The following STYXL1 variants were observed in gnomAD, a reference collection of about 807,000 sequenced individuals.
STYXL1 encodes serine/threonine/tyrosine interacting like 1.
STYXL1 carries 32 observed loss-of-function variants against 36.4 expected under a neutral mutation model. That is an observed-to-expected ratio of 0.88 (90% CI 0.66 to 1.18). The LOEUF (loss-of-function observed/expected upper bound fraction) is 1.18, where lower values mean the gene tolerates loss of function less well. Among genes scored for constraint, STYXL1 ranks in the 50% most tolerant of loss-of-function variants. STYXL1 has a pLI of 0.00. For missense variants in STYXL1, 354 were observed against 394.1 expected, an observed-to-expected ratio of 0.90 and a Z score of 0.86; for synonymous variants, 133 against 144.1, an observed-to-expected ratio of 0.92 and a Z score of 0.55.
chr7:75,997,725 C>T (rs1245480256), intron 8 of STYXL1, among the ~76,000 whole-genome samples: 1 of 152,150 alleles, frequency 6.6e-6, no homozygotes, highest in African/African-American at 2.4e-5. Context: ...AGATTACACA[C>T]ACACACAACA....
chr7:76,003,965 T>A, intron 6 of STYXL1, 110 bp from the exon 7 acceptor site: 1 of 920,200 alleles, frequency 1.1e-6, no homozygotes, highest in Non-Finnish European at 1.7e-6. Context: ...TGAGCTTGTG[T>A]AAGGGGGAAT....
At chr7:75,998,082 GA>G (rs1554564674) in intron 8 of STYXL1, among the ~76,000 whole-genome samples, 13 of 152,076 alleles carry the variant, frequency 8.5e-5, no homozygotes, top group Non-Finnish European at 8.8e-5. Context: ...TGTAGAAATA[GA>G]AAAATCCATC....
chr7:76,005,883 G>T (rs1791664867), intron 5 of STYXL1, among the ~76,000 whole-genome samples: 1 of 112,306 alleles, frequency 8.9e-6, no homozygotes, highest in Non-Finnish European at 2.0e-5. Flanking sequence ...GAGGAGGAGA[G>T]AGGAGGAGGA....
chr7:76,018,641 T>C (rs1422620474), intron 4 of STYXL1, among the ~76,000 whole-genome samples: 1 of 152,228 alleles, frequency 6.6e-6, no homozygotes, highest in Non-Finnish European at 1.5e-5. Flanking sequence ...TCCTCCCGCC[T>C]TGGCCTTCCA....
At chr7:76,016,452 CATATATACAT>C (rs1424890202) in intron 4 of STYXL1, among the ~76,000 whole-genome samples, 6 of 149,934 alleles carry the variant, frequency 4.0e-5, no homozygotes, top group East Asian at 1.9e-4. Flanking sequence ...CATATATACA[CATATATACAT>C]ATATACGCAT....
intron 8 of STYXL1, among the ~76,000 whole-genome samples, chr7:75,999,401 A>G (rs1028495968): frequency 6.6e-6 from 1 of 152,132 alleles, no homozygotes; most frequent in Non-Finnish European, 1.5e-5. Flanking sequence ...CAAGATGGAA[A>G]AGTTTGGGAG....
In STYXL1 at chr7:76,001,203, G is replaced by T. The variant is rs572182305; in HGVS notation, c.698-201C>A. On this transcript the variant is annotated intron_variant, in intron 7 of 8. Coordinates refer to ENST00000359697, the MANE Select transcript of STYXL1 (RefSeq NM_001317785.2). ...GGGCATCCCTCAGACCTGGCTGGAA[G>T]TTCCAGAGAATCATGCCTGGGCAAC... 3.7e-4 allele frequency among the ~76,000 whole-genome samples: 57 copies of T among 152,324 alleles called. 2 individuals are homozygous for T. In the South Asian group the frequency reaches 0.011, roughly 29 times the overall value.
intron 1 of STYXL1, among the ~76,000 whole-genome samples, chr7:76,047,264 T>A (rs922089458): frequency 1.3e-5 from 2 of 152,020 alleles, no homozygotes; most frequent in Admixed American, 1.3e-4. Flanking sequence ...CTCAAAAAAA[T>A]AAATAAATTC....
intron 1 of STYXL1, among the ~76,000 whole-genome samples, chr7:76,031,946 G>A (rs1795377330): frequency 6.6e-6 from 1 of 152,168 alleles, no homozygotes; most frequent in Non-Finnish European, 1.5e-5. Flanking sequence ...GACACTTGCA[G>A]AAAGAATTGC....
At chr7:76,000,517 C>G in intron 8 of STYXL1, 1 of 462,742 alleles carries the variant, frequency 2.2e-6, no homozygotes, top group South Asian at 1.5e-5. Context: ...TTCTCTGGAC[C>G]CTGCGCCCAA....
chr7:76,027,741 T>C (rs1449387128), intron 3 of STYXL1, among the ~76,000 whole-genome samples: 10 of 151,970 alleles, frequency 6.6e-5, no homozygotes, highest in African/African-American at 2.2e-4. Flanking sequence ...GCAGGGACAA[T>C]GAACTCAGGC....
chr7:76,000,403 C>A (rs997431256), intron 8 of STYXL1: 2 of 456,700 alleles, frequency 4.4e-6, no homozygotes, highest in South Asian at 1.5e-5. Flanking sequence ...CTGGGGATCA[C>A]GAACAGGCTG....
At chr7:75,996,775 G>C (rs1790184469) in intron 8 of STYXL1, among the ~76,000 whole-genome samples, 176 bp from the exon 9 acceptor site, 1 of 152,208 alleles carries the variant, frequency 6.6e-6, no homozygotes, top group South Asian at 2.1e-4. Context: ...GGAGTCATGG[G>C]AGCTGACTCT....
chr7:76,030,620 T>C lies in STYXL1; in HGVS notation c.-4-93A>G, dbSNP rs1795223385. ...TAATGAATTAAACTCTTTTTTAACATACCTTCAAGCAAAGATGACAGTAAT... is the reference window on the plus strand; with the variant it reads ...TAATGAATTAAACTCTTTTTTAACACACCTTCAAGCAAAGATGACAGTAAT... On this transcript the variant is annotated intron_variant, in intron 1 of 8. Transcript: ENST00000359697. 9 of 739,446 alleles carry C rather than the reference T, an allele frequency of 1.2e-5. No homozygotes were observed. The South Asian group carries it at 1.4e-4, about 12-fold the overall frequency. 45.8% of individuals were successfully genotyped at this position (739,446 alleles called of 1,614,324 possible). A position where few individuals can be genotyped will look rare whatever the true frequency, so the allele number is the denominator to read the frequency against.
chr7:76,017,211 C>T (rs1025602746), intron 4 of STYXL1, among the ~76,000 whole-genome samples: 1 of 151,876 alleles, frequency 6.6e-6, no homozygotes, highest in Non-Finnish European at 1.5e-5. Flanking sequence ...TTAGTAGAGA[C>T]GGGGTTTCAC....
intron 5 of STYXL1, among the ~76,000 whole-genome samples, chr7:76,007,056 C>T (rs531739026): frequency 3.8e-4 from 58 of 152,134 alleles, no homozygotes; most frequent in East Asian, 3.7e-3. Context: ...ATTCCCTAAA[C>T]GATACAGTAT....
At chr7:76,018,371 A>G (rs949630069) in intron 4 of STYXL1, among the ~76,000 whole-genome samples, 1 of 151,830 alleles carries the variant, frequency 6.6e-6, no homozygotes, top group Non-Finnish European at 1.5e-5. Context: ...GTTCATCTAC[A>G]TTATAGCACA....
At chr7:76,000,804 C>T in intron 8 of STYXL1, 86 bp downstream of exon 8, 1 of 1,130,158 alleles carries the variant, frequency 8.8e-7, no homozygotes. Flanking sequence ...CAAAGCAGTG[C>T]TGGGGCCCCA....
intron 2 of STYXL1, among the ~76,000 whole-genome samples, chr7:76,029,905 C>CCTGCTCACCTG (rs1457913811): frequency 6.6e-6 from 1 of 152,174 alleles, no homozygotes; most frequent in Non-Finnish European, 1.5e-5. Flanking sequence ...TTCTGCTTCA[C>CCTGCTCACCTG]CTGCTCACCT....
Sources: gnomAD v4.1 joint callset for allele counts (sites outside exome capture counted in the v4.1 genomes callset) on GRCh38, gnomAD v4.1.1 for gene constraint, MANE v1.5 for transcripts, NCBI Gene and HGNC (gene_info 2026-07-23, HGNC 2026-07-21) for gene names.